ATAD2B: variants seen among roughly 807,000 people sequenced by gnomAD.
ATAD2B encodes ATPase family AAA domain-containing protein 2B.
Under a neutral mutation model 167.6 loss-of-function variants are expected in ATAD2B, and 40 were observed. The ratio of observed to expected loss-of-function variants is 0.24; its 90% CI spans 0.19 to 0.31. The LOEUF (loss-of-function observed/expected upper bound fraction) is 0.31. Ranked by LOEUF, ATAD2B falls within the 10% of genes least tolerant of loss-of-function variation. The probability of loss-of-function intolerance (pLI) is 1.00; values close to 1 mark genes in which losing one functional copy is unlikely to be tolerated. For missense variants in ATAD2B, 1,242 were observed against 1,757.2 expected (o/e 0.71, Z 5.24); for synonymous variants, 579 against 596.5 (o/e 0.97, Z 0.43).
At chr2:23,776,072 C>T (rs151140862) in intron 22 of ATAD2B, among the ~76,000 whole-genome samples, 249 of 152,210 alleles carry the variant, frequency 1.6e-3, no homozygotes, top group African/African-American at 4.5e-3. Flanking sequence ...GCCGAGATCA[C>T]GCCACTGTAC....
the ATAD2B span, chr2:23,695,715 A>C: frequency 8.4e-6 from 13 of 1,551,506 alleles, no homozygotes; most frequent in Admixed American, 2.0e-5. This position sits in a 1 kb window ranked among gnomAD's most constrained non-coding sequence, Gnocchi z 7.6. Flanking sequence ...TGATCAAGTC[A>C]TCAGAAGCCT....
the ATAD2B span, among the ~76,000 whole-genome samples, chr2:23,711,881 G>A: frequency 3.3e-5 from 5 of 152,114 alleles, no homozygotes; most frequent in South Asian, 2.1e-4. Flanking sequence ...CTTAATATAC[G>A]TATACAACAT....
intron 19 of ATAD2B, among the ~76,000 whole-genome samples, chr2:23,790,146 G>T (rs901578012): frequency 6.6e-6 from 1 of 152,092 alleles, no homozygotes; most frequent in Non-Finnish European, 1.5e-5. Context: ...ATTTACTACT[G>T]AACATGCTTT....
intron 25 of ATAD2B, among the ~76,000 whole-genome samples, chr2:23,755,522 A>G (rs1019340638): frequency 2.8e-4 from 42 of 152,280 alleles, no homozygotes; most frequent in African/African-American, 1.0e-3. Context: ...TCCCCTAAGT[A>G]GGACTACTCT....
chr2:23,730,692 G>GAAAGAA, the ATAD2B span, among the ~76,000 whole-genome samples: 1 of 119,254 alleles, frequency 8.4e-6, no homozygotes, highest in East Asian at 2.4e-4. Context: ...AAAAAAAAAG[G>GAAAGAA]AAAGAAAATA....
chr2:23,684,582 A>G, the ATAD2B span: 1 of 1,489,914 alleles, frequency 6.7e-7, no homozygotes, highest in Non-Finnish European at 9.0e-7. This position sits in a 1 kb window ranked among gnomAD's most constrained non-coding sequence, Gnocchi z 4.4. Context: ...CCTTTGTAGG[A>G]CGCTTTTGTG....
Position 23,926,705 on chromosome 2 carries a change from C to A in ATAD2B, c.66G>T (p.Gly22=), listed in dbSNP as rs1704914180. ...LGSKSPGPGP[G]PGAGAEPGAT... ...CCCCAGGCTCTGCTCCGGCCCCAGG[C>A]CCAGGCCCGGGACCAGGAGACTTGG... The change falls in exon 1 of 28, where the codon GGG becomes GGT. Residue 22 remains glycine (G), a synonymous_variant. Coordinates refer to ENST00000238789, the MANE Select transcript of ATAD2B (RefSeq NM_017552.4). The A allele has an allele frequency of 6.4e-7, 1 of 1,550,522 alleles. No individual in the cohort carries two copies.
chr2:23,742,722 A>G, the ATAD2B span, among the ~76,000 whole-genome samples: 1 of 152,184 alleles, frequency 6.6e-6, no homozygotes, highest in Admixed American at 6.5e-5. Flanking sequence ...TACAAATTTT[A>G]AAAAGTGGAA....
At chr2:23,695,849 C>G in the ATAD2B span, 3 of 1,540,288 alleles carry the variant, frequency 1.9e-6, no homozygotes, top group Non-Finnish European at 1.8e-6. The surrounding 1 kb of genome is among the most constrained non-coding windows in gnomAD (Gnocchi z 7.6). Context: ...CCGAACCTCC[C>G]AAGAAGCAGT....
At chr2:23,776,145 C>T (rs1679092369) in intron 22 of ATAD2B, among the ~76,000 whole-genome samples, 1 of 152,018 alleles carries the variant, frequency 6.6e-6, no homozygotes, top group Non-Finnish European at 1.5e-5. Context: ...ATAAAGTCTG[C>T]ATTTTGTCTG....
At chr2:23,845,333 T>G (rs956016863) in intron 13 of ATAD2B, among the ~76,000 whole-genome samples, 2 of 152,126 alleles carry the variant, frequency 1.3e-5, no homozygotes, top group African/African-American at 2.4e-5. Flanking sequence ...GTGTGTTGTA[T>G]AGCCATACAA....
intron 22 of ATAD2B, among the ~76,000 whole-genome samples, chr2:23,766,806 TG>T (rs1677479238): frequency 6.6e-6 from 1 of 151,936 alleles, no homozygotes. Context: ...TACAGGGTAC[TG>T]GTGTGGGTTC....
chr2:23,906,694 T>G (rs540330678), intron 1 of ATAD2B, among the ~76,000 whole-genome samples: 3 of 151,990 alleles, frequency 2.0e-5, no homozygotes, highest in African/African-American at 7.3e-5. Context: ...ATATCCTTGA[T>G]GAACATTGAT....
At position 23,823,597 on chromosome 2, in the gene ATAD2B, A is replaced by T; in HGVS notation, c.1820-28T>A. On this transcript the variant is annotated intron_variant, in intron 15 of 27. Coordinates refer to ENST00000238789, the MANE Select transcript of ATAD2B (RefSeq NM_017552.4). ...AATACACAAAAGGAGAAGGATAGCA[A>T]AGGTACATTCATTATTCCATGCACC... 8 of 1,589,702 alleles carry T rather than the reference A, an allele frequency of 5.0e-6. 1 individual carries two copies. The highest frequency in any genetic ancestry group is 6.9e-6 in the Non-Finnish European group (8 of 1,163,404).
At chr2:23,812,745 C>T (rs533646143) in intron 17 of ATAD2B, among the ~76,000 whole-genome samples, 33 of 151,822 alleles carry the variant, frequency 2.2e-4, no homozygotes, top group Admixed American at 9.8e-4. Context: ...TGCCTGTAGT[C>T]CCAGCTACTC....
the ATAD2B span, among the ~76,000 whole-genome samples, chr2:23,738,158 AG>A: frequency 2.0e-5 from 3 of 152,254 alleles, no homozygotes; most frequent in Non-Finnish European, 4.4e-5. Flanking sequence ...TCCCCAATCT[AG>A]CAAGGCAGGC....
chr2:23,784,353 G>T (rs907805034), intron 21 of ATAD2B, among the ~76,000 whole-genome samples: 4 of 151,968 alleles, frequency 2.6e-5, no homozygotes, highest in African/African-American at 4.8e-5. Flanking sequence ...TTTGTTTTAG[G>T]TTATCTTGTT....
At chr2:23,839,312 G>A (rs1690503436) in intron 13 of ATAD2B, among the ~76,000 whole-genome samples, 1 of 152,070 alleles carries the variant, frequency 6.6e-6, no homozygotes, top group Non-Finnish European at 1.5e-5. Context: ...AAACAAACAT[G>A]CTTGTCATAT....
chr2:23,728,488 G>A, the ATAD2B span, among the ~76,000 whole-genome samples: 358 of 152,238 alleles, frequency 2.4e-3, 1 homozygote, highest in African/African-American at 7.4e-3. Context: ...ACGAAAAAAA[G>A]TCAACAAAGA....
Sources: allele counts gnomAD v4.1 joint callset (sites outside exome capture counted in the v4.1 genomes callset), GRCh38; gene constraint gnomAD v4.1.1; non-coding constraint Gnocchi (gnomAD v3.1); transcripts MANE v1.5; gene names NCBI Gene and HGNC (gene_info 2026-07-23, HGNC 2026-07-21).